PLEKHM2: variants seen among roughly 807,000 people sequenced by gnomAD.
PLEKHM2 encodes pleckstrin homology domain-containing family M member 2.
PLEKHM2 carries 77 observed loss-of-function variants against 116.3 expected under a neutral mutation model. That is an observed-to-expected ratio of 0.66 (90% CI 0.55 to 0.80). The LOEUF is 0.80. Among genes scored for constraint, PLEKHM2 ranks in the 30% least tolerant of loss-of-function variants. The pLI is 0.00. For synonymous variants in PLEKHM2, 562 were observed against 571.0 expected (o/e 0.98, Z 0.22); for missense variants, 1,183 against 1,354.9 (o/e 0.87, Z 1.99).
At chr1:15,691,161 C>T (rs1422424255) in intron 1 of PLEKHM2, among the ~76,000 whole-genome samples, 1 of 152,148 alleles carries the variant, frequency 6.6e-6, no homozygotes, top group African/African-American at 2.4e-5. Flanking sequence ...CCTTCAACTC[C>T]TGGGATCAAG....
At chr1:15,731,373 C>A in intron 16 of PLEKHM2, 116 bp downstream of exon 16, 1 of 803,386 alleles carries the variant, frequency 1.2e-6, no homozygotes, top group East Asian at 2.7e-5. Flanking sequence ...CCCCATCCAG[C>A]GGCCCTGACA....
chr1:15,724,706 C>G (rs1215100775), intron 7 of PLEKHM2, among the ~76,000 whole-genome samples: 1 of 152,120 alleles, frequency 6.6e-6, no homozygotes, highest in African/African-American at 2.4e-5. Context: ...CCCCATGGTT[C>G]CCACCCCTTG....
chr1:15,701,371 T>C (rs1184389652), intron 1 of PLEKHM2, among the ~76,000 whole-genome samples: 1 of 151,080 alleles, frequency 6.6e-6, no homozygotes, highest in Non-Finnish European at 1.5e-5. Context: ...AGGCGGAGGT[T>C]GCAGTGAGCC....
intron 1 of PLEKHM2, among the ~76,000 whole-genome samples, chr1:15,713,941 GTT>G (rs566065077): frequency 2.5e-4 from 26 of 104,096 alleles, no homozygotes; most frequent in Admixed American, 3.1e-4. Context: ...GCCCAGCCCT[GTT>G]TTTTTTTTTT....
At chr1:15,725,999 G>A (rs141012896) in intron 8 of PLEKHM2, 1 of 169,610 alleles carries the variant, frequency 5.9e-6, no homozygotes, top group African/African-American at 2.4e-5. Context: ...ATCACATTGG[G>A]AGTTAGGATT....
chr1:15,712,066 C>T (rs966517104), intron 1 of PLEKHM2, among the ~76,000 whole-genome samples: 17 of 143,986 alleles, frequency 1.2e-4, no homozygotes, highest in South Asian at 2.1e-4. Context: ...TGCAGTGAGC[C>T]GAGATCACGC....
intron 1 of PLEKHM2, among the ~76,000 whole-genome samples, chr1:15,709,011 A>T (rs934465248): frequency 1.6e-4 from 24 of 152,192 alleles, no homozygotes; most frequent in Non-Finnish European, 2.6e-4. Context: ...TTTACAGACA[A>T]GGAAAACGAG....
chr1:15,721,233 TC>T lies in PLEKHM2; in HGVS notation c.653-92del. ...GTTGAAGTTTTCCTCTCCTATTTTC[TC>T]CCCATGTCTCCCACCCCATTTCCCC... On this transcript the variant is annotated intron_variant, in intron 6 of 19. Coordinates refer to ENST00000375799, the MANE Select transcript of PLEKHM2 (RefSeq NM_015164.4). This position sits in a 1 kb window ranked among gnomAD's most constrained non-coding sequence, Gnocchi z 5.1. 1.4e-6 allele frequency: 1 copy of T among 719,460 alleles called. No homozygotes were observed. The highest frequency in any genetic ancestry group is 1.5e-5 in the South Asian group (1 of 64,548). The allele number at this position is 719,460 out of a possible 1,614,324, so 44.6% of individuals were successfully genotyped here.
Position 15,728,006 on chromosome 1 carries a change from G to A in PLEKHM2, c.1761-73G>A. 7.5e-7 allele frequency: 1 copy of A among 1,333,016 alleles called. No individual in the cohort carries two copies. The highest frequency in any genetic ancestry group is 1.2e-5 in the South Asian group (1 of 80,604). 82.6% of individuals were successfully genotyped at this position (1,333,016 alleles called of 1,614,324 possible). A position where few individuals can be genotyped will look rare whatever the true frequency, so the allele number is the denominator to read the frequency against. On this transcript the variant is annotated intron_variant, in intron 9 of 19. Transcript: ENST00000375799. This position sits in a 1 kb window ranked among gnomAD's most constrained non-coding sequence, Gnocchi z 5.9. ...TGGGAGGCGGAGGCACTACCCCCTG[G>A]CTCTGGGGTGGGGTGTGGCCTCTCT...
chr1:15,718,620 G>T lies in PLEKHM2; in HGVS notation c.460G>T (p.Asp154Tyr), dbSNP rs939394495. 3 of 1,329,422 alleles carry T rather than the reference G, an allele frequency of 2.3e-6. No homozygotes were observed. Among genetic ancestry groups the T allele is most frequent in the Admixed American group, 4.4e-5 (2 of 45,412 alleles). The allele number at this position is 1,329,422 out of a possible 1,614,324, so 82.4% of individuals were successfully genotyped here. Residue 154 changes from aspartate (D) to tyrosine (Y), a missense_variant, in exon 5 of 20, where the codon GAT becomes TAT. Physicochemically the swap from Asp to Tyr is radical, Grantham distance 160 (BLOSUM62 -3). Around this residue, in one of 3 missense-constraint regions of PLEKHM2, gnomAD observed 217 missense variants for 277.6 expected, o/e 0.78. Coordinates refer to ENST00000375799, the MANE Select transcript of PLEKHM2 (RefSeq NM_015164.4). ...SGLEFIRFEL[D>Y]LDAPYLDLAP... ...GCTAGAGTTCATTCGTTTCGAGCTG[G>T]ATCTGGTGAGACACCAGGGCTCTCA...
intron 1 of PLEKHM2, among the ~76,000 whole-genome samples, chr1:15,703,099 A>ACAGG (rs1217935026): frequency 4.0e-5 from 6 of 151,548 alleles, no homozygotes; most frequent in African/African-American, 1.5e-4. Context: ...TCTTCCAAAC[A>ACAGG]CTCTTGTGTA....
rs954710693 is a variant in PLEKHM2, at chr1:15,706,948, A to G, written c.61-9289A>G. ...ACTGCTGAACTGAGCTTTGAGCAAGAGGCAGCTCCTCAGCCGAGCCTATCA... is the reference window on the plus strand; with the variant it reads ...ACTGCTGAACTGAGCTTTGAGCAAGGGGCAGCTCCTCAGCCGAGCCTATCA... On this transcript the variant is annotated intron_variant, in intron 1 of 19. Coordinates refer to ENST00000375799, the MANE Select transcript of PLEKHM2 (RefSeq NM_015164.4). 2.6e-5 allele frequency among the ~76,000 whole-genome samples: 4 copies of G among 152,254 alleles called. No individual in the cohort carries two copies. The East Asian group carries it at 7.7e-4, about 29-fold the overall frequency.
intron 1 of PLEKHM2, among the ~76,000 whole-genome samples, chr1:15,709,840 G>C (rs1387412920): frequency 1.3e-5 from 2 of 152,148 alleles, no homozygotes; most frequent in African/African-American, 4.8e-5. Context: ...CAGAAGACCT[G>C]AATAAATGGG....
chr1:15,725,734 G>A (rs369749801), intron 8 of PLEKHM2, 189 bp downstream of exon 8: 18 of 589,146 alleles, frequency 3.1e-5, no homozygotes, highest in African/African-American at 9.3e-5. Flanking sequence ...TAGTCAGCTC[G>A]GCTGCTGGAA....
At chr1:15,698,528 T>C (rs1364890119) in intron 1 of PLEKHM2, among the ~76,000 whole-genome samples, 2 of 143,978 alleles carry the variant, frequency 1.4e-5, no homozygotes, top group Non-Finnish European at 1.5e-5. Flanking sequence ...TTTTTCTTTC[T>C]TTTTCTTTCT....
At position 15,727,996 on chromosome 1, in the gene PLEKHM2, C is replaced by T; in HGVS notation, c.1761-83C>T. 2 of 1,287,548 alleles carry T rather than the reference C, an allele frequency of 1.6e-6. No homozygotes were observed. Among genetic ancestry groups the T allele is most frequent in the Admixed American group, 3.9e-5 (2 of 51,428 alleles). 79.8% of individuals were successfully genotyped at this position (1,287,548 alleles called of 1,614,324 possible). On this transcript the variant is annotated intron_variant, in intron 9 of 19. Transcript: ENST00000375799. The surrounding 1 kb of genome is among the most constrained non-coding windows in gnomAD (Gnocchi z 7.5). ...TGGCTCCTAGTGGGAGGCGGAGGCA[C>T]TACCCCCTGGCTCTGGGGTGGGGTG... is the stretch of plus-strand genomic sequence containing the variant.
chr1:15,730,797 C>A, intron 15 of PLEKHM2, 75 bp downstream of exon 15: 1 of 1,224,062 alleles, frequency 8.2e-7, no homozygotes, highest in Non-Finnish European at 1.1e-6. Context: ...CAGCGGGGAT[C>A]TCTCCGCAGC....
rs754744227 is a variant in PLEKHM2, at chr1:15,730,522, C to T, written c.2209-10C>T. ...ACTTGCTTTGTCCCCCGTGCCCGCCCCCGCATCAGGCATCTGCTGTCACCG... is the reference window on the plus strand; with the variant it reads ...ACTTGCTTTGTCCCCCGTGCCCGCCTCCGCATCAGGCATCTGCTGTCACCG... On this transcript the variant is annotated splice_polypyrimidine_tract_variant and intron_variant, in intron 14 of 19. Transcript: ENST00000375799. 3.2e-6 allele frequency: 5 copies of T among 1,551,398 alleles called. No individual in the cohort carries two copies. Among genetic ancestry groups the T allele is most frequent in the Non-Finnish European group, 3.5e-6 (4 of 1,147,378 alleles).
Position 15,725,517 on chromosome 1 carries a change from G to C in PLEKHM2, c.913G>C (p.Asp305His). 2 of 1,573,392 alleles carry C rather than the reference G, an allele frequency of 1.3e-6. No homozygotes were observed. The highest frequency in any genetic ancestry group is 1.7e-6 in the Non-Finnish European group (2 of 1,160,414). Residue 305 changes from aspartate (D) to histidine (H), a missense_variant, in exon 8 of 20, where the codon GAT (aspartate) becomes CAT (histidine). Transcript: ENST00000375799. ...KEEAQALDPP[D>H]ACTELEVIRV... Reference sequence around the variant, plus strand: ...GGAGGCCCAGGCCCTGGACCCGCCGGATGCCTGCACGGAGCTCGAGGTCAT... The same window carrying C: ...GGAGGCCCAGGCCCTGGACCCGCCGCATGCCTGCACGGAGCTCGAGGTCAT...
Sources: allele counts gnomAD v4.1 joint callset (sites outside exome capture counted in the v4.1 genomes callset), GRCh38; gene constraint gnomAD v4.1.1; regional missense constraint gnomAD v4.1.1; non-coding constraint Gnocchi (gnomAD v3.1); transcripts MANE v1.5; gene names NCBI Gene and HGNC (gene_info 2026-07-23, HGNC 2026-07-21).